HMGXB3: variants seen among roughly 807,000 people sequenced by gnomAD.
HMGXB3 encodes HMG-box containing 3, also known as HMG domain-containing protein 3.
HMGXB3 carries 45 observed loss-of-function variants against 121.5 expected under a neutral mutation model. The ratio of observed to expected loss-of-function variants is 0.37; its 90% CI spans 0.29 to 0.47. HMGXB3 has a LOEUF of 0.47. Ranked by LOEUF, HMGXB3 falls within the 20% of genes least tolerant of loss-of-function variation. HMGXB3 has a pLI of 0.99. For missense variants in HMGXB3, 1,376 were observed against 1,602.2 expected (o/e 0.86, Z 2.41); for synonymous variants, 590 against 624.1 (o/e 0.95, Z 0.81).
rs538467050 is a variant in HMGXB3, at chr5:150,053,119, T to C, written c.*927T>C. On this transcript the variant is annotated 3_prime_UTR_variant, in exon 20 of 20. Transcript: ENST00000502717. ...CTCTTCCCCCAACAAGAATAAAGTT[T>C]ATTAAATTATCTGGTTTTGGTGTAG... 5 of 188,264 alleles carry C rather than the reference T, an allele frequency of 2.7e-5. No individual in the cohort carries two copies. Among genetic ancestry groups the C allele is most frequent in the East Asian group, 1.7e-4 (2 of 11,758 alleles). 11.7% of individuals were successfully genotyped at this position (188,264 alleles called of 1,614,324 possible). A position where few individuals can be genotyped will look rare whatever the true frequency, so the allele number is the denominator to read the frequency against.
intron 16 of HMGXB3, among the ~76,000 whole-genome samples, chr5:150,045,924 C>G (rs1356734544): frequency 6.6e-6 from 1 of 152,196 alleles, no homozygotes; most frequent in Non-Finnish European, 1.5e-5. Flanking sequence ...TGTCAGCCTT[C>G]TGGGATACAC....
chr5:150,012,174 C>T (rs930752354), intron 4 of HMGXB3, 81 bp from the exon 5 acceptor site: 74 of 918,900 alleles, frequency 8.1e-5, no homozygotes, highest in Non-Finnish European at 1.2e-4. Context: ...TAAACTTAAT[C>T]CAGGCTTCCA....
chr5:150,006,636 G>A lies in HMGXB3; in HGVS notation c.301G>A (p.Gly101Ser). 1 of 1,551,808 alleles carries A rather than the reference G, an allele frequency of 6.4e-7. No individual in the cohort carries two copies. ...GGAGAAAGCCAAACTAGAGAAGGAA[G>A]GTTTGGATCCTGTAAGTAATTTTTT... ...YLEKAKLEKE[G>S]LDPNSKLSAL... The change falls in exon 3 of 20, where the codon GGT (glycine) becomes AGT (serine). Residue 101 changes from glycine (G) to serine (S), a missense_variant. Gly to Ser is a moderately conservative substitution (Grantham distance 56). Coordinates refer to ENST00000502717, the MANE Select transcript of HMGXB3 (RefSeq NM_014983.3).
intron 6 of HMGXB3, among the ~76,000 whole-genome samples, chr5:150,020,746 CTTTT>C (rs34111560): frequency 7.4e-6 from 1 of 135,276 alleles, no homozygotes; most frequent in Non-Finnish European, 1.6e-5. Context: ...ACTGAAACAG[CTTTT>C]TTTTTTTTTT....
At chr5:150,027,753 A>G (rs1756267680) in intron 9 of HMGXB3, among the ~76,000 whole-genome samples, 1 of 152,046 alleles carries the variant, frequency 6.6e-6, no homozygotes, top group Non-Finnish European at 1.5e-5. Flanking sequence ...GGGTTTCACC[A>G]TGTTGGCCAG....
intron 18 of HMGXB3, 55 bp downstream of exon 18, chr5:150,048,740 A>G: frequency 1.6e-6 from 2 of 1,242,220 alleles, no homozygotes; most frequent in Non-Finnish European, 2.3e-6. Flanking sequence ...TGAACTTCCC[A>G]TACAGGGACT....
chr5:150,038,435 A>G (rs1756548408), intron 13 of HMGXB3, among the ~76,000 whole-genome samples: 1 of 152,188 alleles, frequency 6.6e-6, no homozygotes, highest in African/African-American at 2.4e-5. Flanking sequence ...TCAGGATTAT[A>G]TATTTATTTA....
At chr5:150,043,228 T>C (rs552924784) in intron 15 of HMGXB3, among the ~76,000 whole-genome samples, 1 of 152,344 alleles carries the variant, frequency 6.6e-6, no homozygotes, top group South Asian at 2.1e-4. Context: ...GTAGGAAATC[T>C]TCCTTAACCT....
chr5:150,027,768 G>A (rs188918047), intron 9 of HMGXB3, among the ~76,000 whole-genome samples: 30 of 152,178 alleles, frequency 2.0e-4, no homozygotes, highest in Non-Finnish European at 3.5e-4. Flanking sequence ...GGCCAGGCTG[G>A]CCTTGAACTC....
At chr5:150,034,387 A>G (rs1221741241) in intron 11 of HMGXB3, among the ~76,000 whole-genome samples, 2 of 152,166 alleles carry the variant, frequency 1.3e-5, no homozygotes, top group African/African-American at 4.8e-5. Flanking sequence ...AGGAGATAGA[A>G]TTGAGTTCTG....
intron 9 of HMGXB3, among the ~76,000 whole-genome samples, chr5:150,027,553 A>AT (rs796074105): frequency 0.013 from 1,875 of 143,616 alleles, 27 homozygotes; most frequent in African/African-American, 0.036. Context: ...AAGAATAGGG[A>AT]TTTTTTTTTT....
chr5:150,025,385 A>G (rs1292802358), intron 7 of HMGXB3, among the ~76,000 whole-genome samples: 2 of 152,194 alleles, frequency 1.3e-5, no homozygotes, highest in African/African-American at 2.4e-5. Context: ...TGTGCCCGCA[A>G]TGAACACCAG....
intron 3 of HMGXB3, 68 bp downstream of exon 3, chr5:150,006,715 C>A: frequency 7.6e-7 from 1 of 1,321,066 alleles, no homozygotes; most frequent in Non-Finnish European, 1.0e-6. Flanking sequence ...GAAAACCAAG[C>A]CCCTTGTTCT....
intron 9 of HMGXB3, among the ~76,000 whole-genome samples, chr5:150,029,683 CTG>C (rs1027739375): frequency 2.6e-5 from 4 of 152,200 alleles, no homozygotes; most frequent in African/African-American, 7.2e-5. Flanking sequence ...AGTTTGAAAA[CTG>C]TGTCATGGAC....
chr5:150,009,142 C>T (rs538760767), intron 3 of HMGXB3, among the ~76,000 whole-genome samples: 2 of 152,240 alleles, frequency 1.3e-5, no homozygotes, highest in South Asian at 4.1e-4. Flanking sequence ...AAAAATAAAA[C>T]ATAAATGACT....
chr5:150,003,655 C>G (rs1240927300), intron 1 of HMGXB3, among the ~76,000 whole-genome samples: 1 of 150,784 alleles, frequency 6.6e-6, no homozygotes, highest in East Asian at 1.9e-4. Context: ...TGCCAATTAC[C>G]TGACTTTAGG....
intron 5 of HMGXB3, among the ~76,000 whole-genome samples, chr5:150,016,127 T>C (rs1755954543): frequency 6.6e-6 from 1 of 152,156 alleles, no homozygotes; most frequent in South Asian, 2.1e-4. Flanking sequence ...GAAGGATTGC[T>C]TGAGCCCAGG....
intron 4 of HMGXB3, among the ~76,000 whole-genome samples, chr5:150,011,452 A>G (rs550584306): frequency 6.6e-6 from 1 of 152,308 alleles, no homozygotes; most frequent in African/African-American, 2.4e-5. Context: ...TAAGAGGACC[A>G]GCTTGCTGTA....
chr5:150,046,778 C>G (rs1004474715), intron 16 of HMGXB3, among the ~76,000 whole-genome samples: 1 of 151,954 alleles, frequency 6.6e-6, no homozygotes, highest in African/African-American at 2.4e-5. Context: ...CGCCACTGCA[C>G]TCCAGCCTGG....
Sources: allele counts gnomAD v4.1 joint callset (sites outside exome capture counted in the v4.1 genomes callset), GRCh38; gene constraint gnomAD v4.1.1; transcripts MANE v1.5; gene names NCBI Gene and HGNC (gene_info 2026-07-23, HGNC 2026-07-21).